Variants in ABCA3 observed in about 807,000 individuals in gnomAD.
The protein encoded by ABCA3 is ATP binding cassette subfamily A member 3, also known as phospholipid-transporting ATPase ABCA3.
A neutral mutation model predicts 172.8 loss-of-function variants in ABCA3; 88 were observed. That is an observed-to-expected ratio of 0.51 (90% CI 0.43 to 0.61). The LOEUF (loss-of-function observed/expected upper bound fraction) is 0.61, where lower values mean the gene tolerates loss of function less well. ABCA3 is among the 20% of genes least tolerant of loss of function. ABCA3 has a pLI of 0.00. For synonymous variants in ABCA3, 1,066 were observed against 983.8 expected, an observed-to-expected ratio of 1.08 and a Z score of -1.56; for missense variants, 2,164 against 2,301.0, an observed-to-expected ratio of 0.94 and a Z score of 1.22.
At chr16:2,319,908 G>GA in intron 7 of ABCA3, 68 bp from the exon 8 acceptor site, 1 of 1,598,890 alleles carries the variant, frequency 6.3e-7, no homozygotes, top group African/African-American at 1.3e-5. Flanking sequence ...AGGGCCACGT[G>GA]CATGGGGTCC....
intron 1 of ABCA3, among the ~76,000 whole-genome samples, chr16:2,336,322 T>A (rs2093751630): frequency 6.6e-6 from 1 of 152,122 alleles, no homozygotes; most frequent in South Asian, 2.1e-4. Context: ...GATGGGTAAA[T>A]GAAATTGAAA....
At chr16:2,332,726 C>A in intron 1 of ABCA3, 3 of 1,209,716 alleles carry the variant, frequency 2.5e-6, no homozygotes, top group South Asian at 1.2e-5. Flanking sequence ...AAGACCCGCA[C>A]CGATTGCCTC....
At position 2,283,071 on chromosome 16, in the gene ABCA3, C is replaced by G. The variant is rs1017240527; in HGVS notation, c.4035+115G>C. Reference sequence around the variant, plus strand: ...CTGAGGCCGTACAGTGGGAGACCATCTGGTGCAGGAGCTGCCTGGTGGAGA... The same window carrying G: ...CTGAGGCCGTACAGTGGGAGACCATGTGGTGCAGGAGCTGCCTGGTGGAGA... On this transcript the variant is annotated intron_variant, in intron 26 of 32. Transcript: ENST00000301732. This position sits in a 1 kb window ranked among gnomAD's most constrained non-coding sequence, Gnocchi z 5.4. The G allele has an allele frequency of 2.5e-6, 3 of 1,217,418 alleles. No individual in the cohort carries two copies. The highest frequency in any genetic ancestry group is 3.0e-5 in the African/African-American group (2 of 66,602). 75.4% of individuals were successfully genotyped at this position (1,217,418 alleles called of 1,614,324 possible). A position where few individuals can be genotyped will look rare whatever the true frequency, so the allele number is the denominator to read the frequency against.
In ABCA3 at chr16:2,281,417, C is replaced by T; in HGVS notation, c.4128G>A (p.Leu1376=). 3.1e-6 allele frequency: 5 copies of T among 1,613,720 alleles called. No homozygotes were observed. Among genetic ancestry groups the T allele is most frequent in the Non-Finnish European group, 4.2e-6 (5 of 1,179,990 alleles). ...CCTTGATAATCAGAGGTGTGTGGAG[C>T]AGGGAGTCCGGACTGGGGGCCAGGA... is the stretch of plus-strand genomic sequence containing the variant. ...TRILAPSPDS[L]LHTPLIIKEL... is the part of the protein sequence containing the mutation. The change falls in exon 27 of 33, where the codon CTG becomes CTA. Residue 1376 remains leucine (L), a synonymous_variant. Transcript: ENST00000301732. The surrounding 1 kb of genome is among the most constrained non-coding windows in gnomAD (Gnocchi z 4.7).
At chr16:2,298,660 G>A in intron 14 of ABCA3, 120 bp from the exon 15 acceptor site, 1 of 1,248,174 alleles carries the variant, frequency 8.0e-7, no homozygotes, top group Non-Finnish European at 1.1e-6. Flanking sequence ...CTGCCCATGA[G>A]AGGGCACGGA....
At chr16:2,299,692 G>A (rs1052646212) in intron 13 of ABCA3, among the ~76,000 whole-genome samples, 160 bp from the exon 14 acceptor site, 2 of 152,292 alleles carry the variant, frequency 1.3e-5, no homozygotes, top group South Asian at 2.1e-4. Flanking sequence ...GCTGCTCCTG[G>A]CTGCTCCCCT....
At chr16:2,291,966 G>A (rs1436426474) in intron 19 of ABCA3, among the ~76,000 whole-genome samples, 174 bp downstream of exon 19, 3 of 151,986 alleles carry the variant, frequency 2.0e-5, no homozygotes, top group Non-Finnish European at 2.9e-5. Context: ...CCAGCTACTC[G>A]GGAGGCTGAG....
At position 2,319,894 on chromosome 16, in the gene ABCA3, G is replaced by A. The variant is rs1168428886; in HGVS notation, c.614-54C>T. 12 of 1,607,688 alleles carry A rather than the reference G, an allele frequency of 7.5e-6. No individual in the cohort carries two copies. In the East Asian group the frequency reaches 1.1e-4, roughly 15 times the overall value. On this transcript the variant is annotated intron_variant, in intron 7 of 32. Transcript: ENST00000301732. ...CCACCTCGAGGAGCTGCTCTCGAGGGCAGAGGGCCACGTGCATGGGGTCCA... is the reference window on the plus strand; with the variant it reads ...CCACCTCGAGGAGCTGCTCTCGAGGACAGAGGGCCACGTGCATGGGGTCCA...
In ABCA3 at chr16:2,284,541, G is replaced by C. The variant is rs991911318; in HGVS notation, c.3704-104C>G. On this transcript the variant is annotated intron_variant, in intron 24 of 32. Coordinates refer to ENST00000301732, the MANE Select transcript of ABCA3 (RefSeq NM_001089.3). The surrounding 1 kb of genome is among the most constrained non-coding windows in gnomAD (Gnocchi z 5.9). ...CACAGGGCCTTATCCGTGCTGTGTG[G>C]AGTGAGGGGGCACCTCCCAGGGACG... 3 of 1,520,142 alleles carry C rather than the reference G, an allele frequency of 2.0e-6. No homozygotes were observed. The African/African-American group carries it at 4.1e-5, about 21-fold the overall frequency. The allele number at this position is 1,520,142 out of a possible 1,614,324, so 94.2% of individuals were successfully genotyped here.
chr16:2,322,062 G>C (rs912481191), intron 7 of ABCA3, among the ~76,000 whole-genome samples: 1 of 152,084 alleles, frequency 6.6e-6, no homozygotes, highest in East Asian at 1.9e-4. Context: ...GCTGGGCGTG[G>C]TGGTGTGCGC....
At chr16:2,299,800 G>A (rs2093686085) in intron 13 of ABCA3, among the ~76,000 whole-genome samples, 1 of 152,170 alleles carries the variant, frequency 6.6e-6, no homozygotes, top group Non-Finnish European at 1.5e-5. Flanking sequence ...GGCTGAGTCT[G>A]GCATTTCCTG....
In ABCA3 at chr16:2,286,807, G is replaced by C; in HGVS notation, c.3165C>G (p.Ala1055=). 1.2e-6 allele frequency: 2 copies of C among 1,614,150 alleles called. No homozygotes were observed. The highest frequency in any genetic ancestry group is 1.7e-6 in the Non-Finnish European group (2 of 1,180,038). The stretch of plus-strand genomic sequence containing the variant: ...GCTTGAACAGAAGGTTGTCCACGAC[G>C]GCCAGGGCAGTGGCTGGAGAGTGGT... ...QAYHSPATAL[A]VVDNLLFKLL... is the part of the protein sequence containing the mutation. The change falls in exon 22 of 33, where the codon GCC becomes GCG. Residue 1055 remains alanine, a synonymous_variant. Coordinates refer to ENST00000301732, the MANE Select transcript of ABCA3 (RefSeq NM_001089.3). The surrounding 1 kb of genome is among the most constrained non-coding windows in gnomAD (Gnocchi z 5.2).
At chr16:2,324,132 T>C (rs2093730407) in intron 6 of ABCA3, among the ~76,000 whole-genome samples, 1 of 152,202 alleles carries the variant, frequency 6.6e-6, no homozygotes, top group African/African-American at 2.4e-5. Flanking sequence ...GTAATATCTT[T>C]CATAAAATGA....
At position 2,277,772 on chromosome 16, in the gene ABCA3, G is replaced by T. The variant is rs1408455243; in HGVS notation, c.4910-102C>A. 17 of 1,591,754 alleles carry T rather than the reference G, an allele frequency of 1.1e-5. No homozygotes were observed. Among genetic ancestry groups the T allele is most frequent in the African/African-American group, 2.7e-5 (2 of 74,446 alleles). The stretch of plus-strand genomic sequence containing the variant: ...GAGTCCTCGTCCCAGGGATTGGGGA[G>T]ATGGGACTTGGCGGGGCGAGGCACA... On this transcript the variant is annotated intron_variant, in intron 31 of 32. Transcript: ENST00000301732. This position sits in a 1 kb window ranked among gnomAD's most constrained non-coding sequence, Gnocchi z 5.3.
intron 1 of ABCA3, among the ~76,000 whole-genome samples, chr16:2,330,661 C>T (rs930983315): frequency 3.3e-5 from 5 of 150,558 alleles, no homozygotes; most frequent in African/African-American, 1.2e-4. Flanking sequence ...GCTTCTACAA[C>T]CTCCTCATCC....
At position 2,308,640 on chromosome 16, in the gene ABCA3, A is replaced by AC; in HGVS notation, c.1112-18dup. The AC allele has an allele frequency of 6.2e-7, 1 of 1,613,426 alleles. No homozygotes were observed. Among genetic ancestry groups the AC allele is most frequent in the Non-Finnish European group, 8.5e-7 (1 of 1,179,678 alleles). On this transcript the variant is annotated splice_polypyrimidine_tract_variant and intron_variant, in intron 10 of 32. Coordinates refer to ENST00000301732, the MANE Select transcript of ABCA3 (RefSeq NM_001089.3). ...CCATGTTGGCTGCAGGTGTTGGAAG[A>AC]CCCGGGGGGCGTGAGCGTCAGTGCC...
chr16:2,306,981 C>G (rs1485697199), intron 11 of ABCA3, among the ~76,000 whole-genome samples: 1 of 144,354 alleles, frequency 6.9e-6, no homozygotes, highest in Non-Finnish European at 1.5e-5. Flanking sequence ...CGCCACTGCC[C>G]TCCAGCCTGG....
At chr16:2,317,188 C>T (rs565271691) in intron 10 of ABCA3, 95 bp downstream of exon 10, 2 of 1,575,412 alleles carry the variant, frequency 1.3e-6, no homozygotes, top group East Asian at 4.5e-5. Flanking sequence ...CTCCACCAGG[C>T]CACTCTCCCT....
chr16:2,310,189 A>T (rs1267990003), intron 10 of ABCA3, among the ~76,000 whole-genome samples: 1 of 152,094 alleles, frequency 6.6e-6, no homozygotes, highest in Non-Finnish European at 1.5e-5. Context: ...GCAGATCACA[A>T]GGTCAAGAGA....
Sources: gnomAD v4.1 joint callset for allele counts (sites outside exome capture counted in the v4.1 genomes callset) on GRCh38, gnomAD v4.1.1 for gene constraint, Gnocchi (gnomAD v3.1) non-coding constraint, MANE v1.5 for transcripts, NCBI Gene and HGNC (gene_info 2026-07-23, HGNC 2026-07-21) for gene names.